NR3C2: variants seen among roughly 807,000 people sequenced by gnomAD.
The protein encoded by NR3C2 is nuclear receptor subfamily 3 group C member 2.
A neutral mutation model predicts 86.4 loss-of-function variants in NR3C2; 15 were observed. The ratio of observed to expected loss-of-function variants is 0.17; its 90% CI spans 0.12 to 0.27. The LOEUF is 0.27. Ranked by LOEUF, NR3C2 falls within the 10% of genes least tolerant of loss-of-function variation. The pLI is 1.00. For missense variants in NR3C2, 960 were observed against 1,195.6 expected, an observed-to-expected ratio of 0.80 and a Z score of 2.91; for synonymous variants, 458 against 450.5, an observed-to-expected ratio of 1.02 and a Z score of -0.21.
chr4:148,416,512 T>C (rs925620830), intron 2 of NR3C2, among the ~76,000 whole-genome samples: 1 of 152,210 alleles, frequency 6.6e-6, no homozygotes, highest in African/African-American at 2.4e-5. Context: ...GTGGTAAAAC[T>C]GAGGACACCT....
At chr4:148,242,088 T>G (rs976177241) in intron 3 of NR3C2, among the ~76,000 whole-genome samples, 1 of 152,106 alleles carries the variant, frequency 6.6e-6, no homozygotes, top group Admixed American at 6.6e-5. Context: ...AGATTTTCAG[T>G]TTTTGCAAGA....
In NR3C2 at chr4:148,435,852, C is replaced by T. The variant is rs754623268; in HGVS notation, c.1009G>A (p.Val337Ile). ...GCAGTGTAGCTGAAGGCATTGTTTA[C>T]AGGGCTACAGATAGATCCCACAGTA... ...ASTVGSICSP[V>I]NNAFSYTASG... Residue 337 changes from valine (V) to isoleucine (I), a missense_variant, in exon 2 of 9, where the codon GTA becomes ATA. By Grantham distance (29) the Val-to-Ile change is conservative. Around this residue, in one of 4 missense-constraint regions of NR3C2, gnomAD observed 680 missense variants for 719.0 expected, o/e 0.95. Coordinates refer to ENST00000358102, the MANE Select transcript of NR3C2 (RefSeq NM_000901.5). The T allele has an allele frequency of 6.2e-7, 1 of 1,614,190 alleles. No individual in the cohort carries two copies. Among genetic ancestry groups the T allele is most frequent in the South Asian group, 1.1e-5 (1 of 91,080 alleles).
chr4:148,308,185 G>A (rs949429610), intron 2 of NR3C2, among the ~76,000 whole-genome samples: 12 of 152,236 alleles, frequency 7.9e-5, no homozygotes, highest in East Asian at 1.9e-4. Flanking sequence ...TAACATCTAC[G>A]GATCTGTGGA....
intron 3 of NR3C2, among the ~76,000 whole-genome samples, chr4:148,214,123 T>A (rs982975747): frequency 1.1e-4 from 17 of 152,234 alleles, no homozygotes; most frequent in Non-Finnish European, 1.8e-4. Context: ...TTACTTTACT[T>A]CTTAGGGGTC....
At chr4:148,200,911 C>T (rs975717237) in intron 3 of NR3C2, 5 of 151,744 alleles carry the variant, frequency 3.3e-5, no homozygotes, top group Admixed American at 1.3e-4. Flanking sequence ...ATTCTAACTT[C>T]AATTTAAAAG....
chr4:148,382,359 T>C (rs1210118711), intron 2 of NR3C2, among the ~76,000 whole-genome samples: 1 of 152,206 alleles, frequency 6.6e-6, no homozygotes, highest in African/African-American at 2.4e-5. Context: ...GTGCACTTAA[T>C]ATCTAATATT....
chr4:148,203,740 C>A (rs895720191), intron 3 of NR3C2, among the ~76,000 whole-genome samples: 2 of 148,568 alleles, frequency 1.3e-5, no homozygotes, highest in Admixed American at 6.9e-5. Flanking sequence ...TTGGAGCCAA[C>A]TAAAACATTC....
chr4:148,229,040 G>A (rs1738325628), intron 3 of NR3C2, among the ~76,000 whole-genome samples: 1 of 152,168 alleles, frequency 6.6e-6, no homozygotes, highest in African/African-American at 2.4e-5. Flanking sequence ...CCATGAAGAA[G>A]GCAACTGAGC....
At chr4:148,195,158 G>A (rs1736382382) in intron 3 of NR3C2, among the ~76,000 whole-genome samples, 1 of 152,150 alleles carries the variant, frequency 6.6e-6, no homozygotes, top group African/African-American at 2.4e-5. Context: ...AGGCAATAGT[G>A]CACATTTCCT....
chr4:148,302,743 G>A lies in NR3C2; in HGVS notation c.1758-42626C>T, dbSNP rs535019381. 2.7e-5 allele frequency among the ~76,000 whole-genome samples: 4 copies of A among 150,742 alleles called. No homozygotes were observed. The South Asian group carries it at 8.3e-4, about 31-fold the overall frequency. On this transcript the variant is annotated intron_variant, in intron 2 of 8. Transcript: ENST00000358102. Reference sequence around the variant, plus strand: ...ATGACACTCTCCTAGCTACTTGGGAGACTGAGTCAGGAGAACTGCTTGAAC... The same window carrying A: ...ATGACACTCTCCTAGCTACTTGGGAAACTGAGTCAGGAGAACTGCTTGAAC...
At chr4:148,117,813 T>C (rs926844493) in intron 7 of NR3C2, among the ~76,000 whole-genome samples, 1 of 152,108 alleles carries the variant, frequency 6.6e-6, no homozygotes, top group African/African-American at 2.4e-5. Flanking sequence ...TTGGCCCTTT[T>C]CTCCAAATGA....
chr4:148,445,275 G>A (rs1453897055), upstream of NR3C2, among the ~76,000 whole-genome samples: 3 of 151,796 alleles, frequency 2.0e-5, no homozygotes, highest in South Asian at 4.1e-4. Context: ...GGGGGCGGGA[G>A]GGAAAAGTTT....
rs924422183 is a variant in NR3C2, at chr4:148,094,790, G to A, written c.2800-13291C>T. Among the ~76,000 whole-genome samples the A allele has an allele frequency of 2.7e-5, 4 of 150,092 alleles. No homozygotes were observed. In the East Asian group the frequency reaches 5.9e-4, roughly 22 times the overall value. On this transcript the variant is annotated intron_variant, in intron 8 of 8. Coordinates refer to ENST00000358102, the MANE Select transcript of NR3C2 (RefSeq NM_000901.5). ...TCACAGCAGCATTATTCACAATTCC[G>A]AAAGGTGAAAACAGCTCAAAAGGTC...
chr4:148,248,017 T>C (rs537664533), intron 3 of NR3C2, among the ~76,000 whole-genome samples: 4 of 152,280 alleles, frequency 2.6e-5, no homozygotes, highest in African/African-American at 4.8e-5. Flanking sequence ...ATTTTAAGTA[T>C]CACTAGTGAT....
chr4:148,401,810 T>G (rs1748183197), intron 2 of NR3C2, among the ~76,000 whole-genome samples: 1 of 152,142 alleles, frequency 6.6e-6, no homozygotes, highest in Non-Finnish European at 1.5e-5. Flanking sequence ...CCATGCCTTT[T>G]TCCCTCCTAA....
intron 4 of NR3C2, among the ~76,000 whole-genome samples, chr4:148,163,211 T>A (rs1377964583): frequency 3.3e-5 from 5 of 152,226 alleles, no homozygotes; most frequent in Non-Finnish European, 4.4e-5. Context: ...CATGTACTAT[T>A]CTTTTCTAAA....
At chr4:148,172,137 C>T (rs373225240) in intron 4 of NR3C2, among the ~76,000 whole-genome samples, 2 of 151,742 alleles carry the variant, frequency 1.3e-5, no homozygotes, top group African/African-American at 4.8e-5. Context: ...GTCTCGGGGG[C>T]TTATTTGTCC....
At chr4:148,262,744 C>T (rs1214929686) in intron 2 of NR3C2, among the ~76,000 whole-genome samples, 2 of 152,148 alleles carry the variant, frequency 1.3e-5, no homozygotes, top group Admixed American at 6.5e-5. Context: ...GAAATTGGAA[C>T]ATAGACACCT....
In NR3C2 at chr4:148,239,839, A is replaced by T. The variant is rs1738931079; in HGVS notation, c.1897+20139T>A. Among the ~76,000 whole-genome samples, 3 of 152,100 alleles carry T rather than the reference A, an allele frequency of 2.0e-5. No individual in the cohort carries two copies. The South Asian group carries it at 6.2e-4, about 32-fold the overall frequency. On this transcript the variant is annotated intron_variant, in intron 3 of 8. Coordinates refer to ENST00000358102, the MANE Select transcript of NR3C2 (RefSeq NM_000901.5). ...GAACCTTTTCGAAGTTTTTGTGGAC[A>T]CATTTTCAAGTGGTTTTCCTCGGTG... is the stretch of plus-strand genomic sequence containing the variant.
Sources: gnomAD v4.1 joint callset for allele counts (sites outside exome capture counted in the v4.1 genomes callset) on GRCh38, gnomAD v4.1.1 for gene constraint, gnomAD v4.1.1 regional missense constraint, MANE v1.5 for transcripts, NCBI Gene and HGNC (gene_info 2026-07-23, HGNC 2026-07-21) for gene names.